GYG2: variants seen among roughly 807,000 people sequenced by gnomAD.
GYG2 encodes the protein glycogenin-2.
Under a neutral mutation model 29.4 loss-of-function variants are expected in GYG2, and 29 were observed. That is an observed-to-expected ratio of 0.99 (90% CI 0.74 to 1.35). GYG2 has a LOEUF of 1.35. GYG2 is among the 40% of genes most tolerant of loss of function. The pLI is 0.00. For missense variants in GYG2, 370 were observed against 385.7 expected, an observed-to-expected ratio of 0.96 and a Z score of 0.34; for synonymous variants, 167 against 172.3, an observed-to-expected ratio of 0.97 and a Z score of 0.24.
At chrX:2,836,004 G>A (rs1428268686) in intron 2 of GYG2, among the ~76,000 whole-genome samples, 1 of 110,592 alleles carries the variant, frequency 9.0e-6, no homozygotes, top group African/African-American at 3.3e-5. Context: ...TTTTTTCCAT[G>A]GCCACCATGT....
At position 2,861,731 on chromosome X, in the gene GYG2, C is replaced by T; in HGVS notation, c.1038+9C>T. The T allele has an allele frequency of 8.8e-7, 1 of 1,131,046 alleles. No homozygotes were observed. 93.2% of individuals were successfully genotyped at this position (1,131,046 alleles called of 1,213,427 possible). A position where few individuals can be genotyped will look rare whatever the true frequency, so the allele number is the denominator to read the frequency against. On this transcript the variant is annotated intron_variant, in intron 8 of 10. Transcript: ENST00000398806. ...GACGCCGTTCAGAAGATGTAAGTAC[C>T]TGCATTCCTCACAGGTGTGATAGTC...
chrX:2,846,402 A>C (rs1208055214), intron 3 of GYG2, among the ~76,000 whole-genome samples: 1 of 109,877 alleles, frequency 9.1e-6, no homozygotes, highest in Admixed American at 1.0e-4. Flanking sequence ...AATAATATTA[A>C]AAAAGCAAAC....
At chrX:2,870,261 G>A (rs751570086) in intron 8 of GYG2, among the ~76,000 whole-genome samples, 1 of 110,638 alleles carries the variant, frequency 9.0e-6, no homozygotes, top group South Asian at 3.9e-4. Flanking sequence ...GAGTGCACTG[G>A]TGCGATCTCG....
chrX:2,871,217 A>G (rs950031957), intron 8 of GYG2, among the ~76,000 whole-genome samples: 1 of 107,309 alleles, frequency 9.3e-6, no homozygotes, highest in African/African-American at 3.4e-5. Flanking sequence ...ATATTTATGG[A>G]CCCCTCAGCC....
At chrX:2,832,689 C>T (rs2087292424) in intron 2 of GYG2, among the ~76,000 whole-genome samples, 1 of 111,859 alleles carries the variant, frequency 8.9e-6, no homozygotes, top group Non-Finnish European at 1.9e-5. Flanking sequence ...TGCCCGCCCC[C>T]ATGCCCGGCT....
intron 10 of GYG2, 105 bp from the exon 11 acceptor site, chrX:2,880,947 T>A (rs989712849): frequency 1.4e-5 from 9 of 663,414 alleles, no homozygotes; most frequent in Middle Eastern, 3.1e-4. Flanking sequence ...TTTTGAGAAC[T>A]GAGATGCATC....
At chrX:2,869,092 A>G (rs1362018536) in intron 8 of GYG2, among the ~76,000 whole-genome samples, 3 of 111,119 alleles carry the variant, frequency 2.7e-5, no homozygotes, top group East Asian at 2.8e-4. Context: ...TGGGTTCCAT[A>G]TCTGTGGATT....
At chrX:2,857,792 C>A (rs1320222215) in intron 6 of GYG2, among the ~76,000 whole-genome samples, 1 of 111,026 alleles carries the variant, frequency 9.0e-6, no homozygotes, top group African/African-American at 3.3e-5. Context: ...GCCCAAGGAA[C>A]CCTGACCCCA....
chrX:2,863,191 C>T (rs1294984605), intron 8 of GYG2, among the ~76,000 whole-genome samples: 2 of 109,693 alleles, frequency 1.8e-5, no homozygotes, highest in Admixed American at 1.9e-4. Flanking sequence ...TCTCCTGCCT[C>T]AGCCTCCCGA....
intron 10 of GYG2, among the ~76,000 whole-genome samples, chrX:2,879,937 GGATA>G (rs1161636857): frequency 9.0e-6 from 1 of 111,002 alleles, no homozygotes; most frequent in Non-Finnish European, 1.9e-5. Context: ...ATGGATGAGT[GGATA>G]GATAGAACAT....
At chrX:2,874,426 C>T (rs1028900603) in intron 8 of GYG2, among the ~76,000 whole-genome samples, 2 of 112,568 alleles carry the variant, frequency 1.8e-5, no homozygotes, top group Non-Finnish European at 3.8e-5. Flanking sequence ...GATATTACTT[C>T]CCTAGGAGTG....
intron 2 of GYG2, among the ~76,000 whole-genome samples, chrX:2,842,778 A>T (rs1396009896): frequency 1.8e-5 from 2 of 108,212 alleles, no homozygotes; most frequent in Non-Finnish European, 1.9e-5. Flanking sequence ...GGAAGCATGT[A>T]TGCGAATTAG....
chrX:2,853,143 T>G (rs1206497892), intron 3 of GYG2: 1 of 111,606 alleles, frequency 9.0e-6, no homozygotes, highest in Non-Finnish European at 1.9e-5. Flanking sequence ...GCCTCTTGAG[T>G]AGCAGGAATT....
chrX:2,865,113 G>A (rs1469036792), intron 8 of GYG2, among the ~76,000 whole-genome samples: 7 of 111,373 alleles, frequency 6.3e-5, no homozygotes, highest in African/African-American at 1.6e-4. Context: ...TCCCTCATTC[G>A]TAAGGGCAGC....
chrX:2,869,019 A>AC (rs1242531902), intron 8 of GYG2, among the ~76,000 whole-genome samples: 1 of 108,844 alleles, frequency 9.2e-6, no homozygotes, highest in African/African-American at 3.3e-5. Flanking sequence ...AACATCTTAA[A>AC]AAAAAAAAAA....
intron 2 of GYG2, among the ~76,000 whole-genome samples, chrX:2,831,967 G>C (rs1162827369): frequency 8.9e-6 from 1 of 112,530 alleles, no homozygotes; most frequent in Non-Finnish European, 1.9e-5. Flanking sequence ...CCATGCCGTT[G>C]CTGAAAGTGT....
At chrX:2,863,613 C>A (rs1218847261) in intron 8 of GYG2, among the ~76,000 whole-genome samples, 1 of 112,471 alleles carries the variant, frequency 8.9e-6, no homozygotes. Flanking sequence ...GTAAATTATG[C>A]TCTGGCAACT....
chrX:2,867,420 G>T (rs2088324035), intron 8 of GYG2, among the ~76,000 whole-genome samples: 2 of 111,618 alleles, frequency 1.8e-5, no homozygotes, highest in Admixed American at 1.9e-4. Flanking sequence ...GATGGAATTT[G>T]ATCTGAAGGA....
At chrX:2,878,561 C>T (rs1486583105) in intron 10 of GYG2, among the ~76,000 whole-genome samples, 7 of 111,683 alleles carry the variant, frequency 6.3e-5, no homozygotes, top group Non-Finnish European at 1.3e-4. Flanking sequence ...TGAGCCACCG[C>T]GCCCAGCCTG....
Sources: allele counts gnomAD v4.1 joint callset (sites outside exome capture counted in the v4.1 genomes callset), GRCh38; gene constraint gnomAD v4.1.1; transcripts MANE v1.5; gene names NCBI Gene and HGNC (gene_info 2026-07-23, HGNC 2026-07-21).